TAP1: variants seen among roughly 807,000 people sequenced by gnomAD.
The protein encoded by TAP1 is transporter 1, ATP binding cassette subfamily B member.
In TAP1, 56 loss-of-function variants were observed where a neutral mutation model predicts 79.3. That is an observed-to-expected ratio of 0.71 (90% CI 0.57 to 0.88). TAP1 has a LOEUF of 0.88. TAP1 is among the 40% of genes least tolerant of loss of function. The pLI is 0.00. For synonymous variants in TAP1, 355 were observed against 401.4 expected (o/e 0.88, Z 1.38); for missense variants, 737 against 936.3 (o/e 0.79, Z 2.78).
rs748927641 is a variant in TAP1, at chr6:32,852,267, T to A, written c.714-28A>T. Reference sequence around the variant, plus strand: ...ATAAAGAACCCGGAAAAAAAGGGGATCAGGGTGTGTTCAGGGAACAGACTG... The same window carrying A: ...ATAAAGAACCCGGAAAAAAAGGGGAACAGGGTGTGTTCAGGGAACAGACTG... On this transcript the variant is annotated intron_variant, in intron 2 of 10. Coordinates refer to ENST00000354258, the MANE Select transcript of TAP1 (RefSeq NM_000593.6). The surrounding 1 kb of genome is among the most constrained non-coding windows in gnomAD (Gnocchi z 4.8). 3.7e-6 allele frequency: 6 copies of A among 1,612,898 alleles called. No individual in the cohort carries two copies. The highest frequency in any genetic ancestry group is 1.1e-5 in the South Asian group (1 of 91,076).
Position 32,848,642 on chromosome 6 carries a change from T to C in TAP1, c.1566+10A>G, listed in dbSNP as rs1162917920. 6.2e-7 allele frequency: 1 copy of C among 1,613,456 alleles called. No homozygotes were observed. The highest frequency in any genetic ancestry group is 8.5e-7 in the Non-Finnish European group (1 of 1,179,884). ...GGGGCCAGTGGAATACAGGGAGTGG[T>C]AGGTTGTACCTGTAGCACTAAGACA... On this transcript the variant is annotated intron_variant, in intron 7 of 10. Coordinates refer to ENST00000354258, the MANE Select transcript of TAP1 (RefSeq NM_000593.6).
chr6:32,852,786 G>A lies in TAP1; in HGVS notation c.598+253C>T. The A allele has an allele frequency of 6.9e-7, 1 of 1,440,990 alleles. No individual in the cohort carries two copies. The highest frequency in any genetic ancestry group is 1.5e-5 in the South Asian group (1 of 66,274). 89.3% of individuals were successfully genotyped at this position (1,440,990 alleles called of 1,614,324 possible). A position where few individuals can be genotyped will look rare whatever the true frequency, so the allele number is the denominator to read the frequency against. On this transcript the variant is annotated intron_variant, in intron 1 of 10. Coordinates refer to ENST00000354258, the MANE Select transcript of TAP1 (RefSeq NM_000593.6). This position sits in a 1 kb window ranked among gnomAD's most constrained non-coding sequence, Gnocchi z 4.8. ...GGATGCCCCGCCCTTCGGCCCCAGA[G>A]CAAAGGATTTCCCCGCTTCCGGCGT...
chr6:32,849,359 C>G, intron 5 of TAP1: 1 of 600,066 alleles, frequency 1.7e-6, no homozygotes, highest in Non-Finnish European at 2.9e-6. Context: ...GAGCATTTTA[C>G]TCTTCACAAA....
intron 7 of TAP1, 112 bp from the exon 8 acceptor site, chr6:32,848,204 A>G: frequency 7.3e-7 from 1 of 1,375,516 alleles, no homozygotes; most frequent in Non-Finnish European, 1.0e-6. Context: ...ACAGGGAAAT[A>G]TAGAAACTCC....
rs1206640439 is a variant in TAP1 at position 32,853,276 on chromosome 6, C to T, written c.361G>A (p.Ala121Thr). 6.3e-7 allele frequency: 1 copy of T among 1,587,204 alleles called. No individual in the cohort carries two copies. The highest frequency in any genetic ancestry group is 8.6e-7 in the Non-Finnish European group (1 of 1,166,156). Residue 121 changes from alanine (A) to threonine (T), a missense_variant, in exon 1 of 11, where the codon GCC (alanine) becomes ACC (threonine). Physicochemically the swap from Ala to Thr is moderately conservative, Grantham distance 58 (BLOSUM62 0). Around this residue, in one of 5 missense-constraint regions of TAP1, gnomAD observed 406 missense variants for 477.2 expected, o/e 0.85. Coordinates refer to ENST00000354258, the MANE Select transcript of TAP1 (RefSeq NM_000593.6). This position sits in a 1 kb window ranked among gnomAD's most constrained non-coding sequence, Gnocchi z 8.3. ...ALFRELISWG[A>T]PGSADSTRLL... ...CTGGTGCTATCCGCGGACCCGGGGG[C>T]TCCCCATGAGATCAGCTCTCGGAAC... is the stretch of plus-strand genomic sequence containing the variant.
chr6:32,845,618 G>A lies in TAP1; in HGVS notation c.2208C>T (p.Tyr736=), dbSNP rs1239610544. Residue 736 remains tyrosine, a synonymous_variant, in exon 11 of 11, where the codon TAC becomes TAT. Transcript: ENST00000354258. The surrounding 1 kb of genome is among the most constrained non-coding windows in gnomAD (Gnocchi z 4.5). ...HQQLMEKKGC[Y]WAMVQAPADA... ...CTGCAGGAGCCTGCACCATGGCCCA[G>A]TAGCACCCCTTTTTCTCCATGAGCT... 1 of 1,613,126 alleles carries A rather than the reference G, an allele frequency of 6.2e-7. No homozygotes were observed. Among genetic ancestry groups the A allele is most frequent in the South Asian group, 1.1e-5 (1 of 91,086 alleles).
At chr6:32,848,132 C>A in intron 7 of TAP1, 40 bp from the exon 8 acceptor site, 4 of 1,561,086 alleles carry the variant, frequency 2.6e-6, no homozygotes, top group Non-Finnish European at 3.5e-6. Context: ...GCTACCAAGG[C>A]CTCTAACCTT....
At position 32,852,015 on chromosome 6, in the gene TAP1, G is replaced by A; in HGVS notation, c.844+94C>T. ...GAAGGAACAATGTGTGTATGTGTGT[G>A]TGAGAGAGAGAGAGCGGGGAGGGGG... On this transcript the variant is annotated intron_variant, in intron 3 of 10. Transcript: ENST00000354258. This position sits in a 1 kb window ranked among gnomAD's most constrained non-coding sequence, Gnocchi z 4.8. 1 of 1,528,182 alleles carries A rather than the reference G, an allele frequency of 6.5e-7. No individual in the cohort carries two copies. Among genetic ancestry groups the A allele is most frequent in the Non-Finnish European group, 9.0e-7 (1 of 1,108,110 alleles). 94.7% of individuals were successfully genotyped at this position (1,528,182 alleles called of 1,614,324 possible).
chr6:32,852,619 A>T lies in TAP1; in HGVS notation c.599-117T>A. ...CCATTATCCTGGAGGGCATCAGCAGAAAGGAAACACTGACGTCTCAATCCC... is the reference window on the plus strand; with the variant it reads ...CCATTATCCTGGAGGGCATCAGCAGTAAGGAAACACTGACGTCTCAATCCC... On this transcript the variant is annotated intron_variant, in intron 1 of 10. Coordinates refer to ENST00000354258, the MANE Select transcript of TAP1 (RefSeq NM_000593.6). The surrounding 1 kb of genome is among the most constrained non-coding windows in gnomAD (Gnocchi z 4.8). 1 of 1,551,170 alleles carries T rather than the reference A, an allele frequency of 6.4e-7. No individual in the cohort carries two copies. Among genetic ancestry groups the T allele is most frequent in the Non-Finnish European group, 8.7e-7 (1 of 1,148,994 alleles).
chr6:32,853,510 TGCGGGGCAGC>T lies in TAP1; in HGVS notation c.117_126del (p.Leu40TyrfsTer20). 6.2e-7 allele frequency: 1 copy of T among 1,609,616 alleles called. No individual in the cohort carries two copies. Among genetic ancestry groups the T allele is most frequent in the African/African-American group, 1.3e-5 (1 of 74,912 alleles). On this transcript the variant is annotated frameshift_variant, in exon 1 of 11. Transcript: ENST00000354258. LOFTEE classifies it high-confidence loss of function. This position sits in a 1 kb window ranked among gnomAD's most constrained non-coding sequence, Gnocchi z 8.3. Reference sequence around the variant, plus strand: ...GCGGTGGGCACCAGCAGGGAGAATATGCGGGGCAGCGCGGTCCGGAGCAGCACCCAGTCGG... The same window carrying T: ...GCGGTGGGCACCAGCAGGGAGAATATGCGGTCCGGAGCAGCACCCAGTCGG...
chr6:32,847,377 A>G lies in TAP1; in HGVS notation c.1903+136T>C. 9 of 1,497,390 alleles carry G rather than the reference A, an allele frequency of 6.0e-6. No individual in the cohort carries two copies. The highest frequency in any genetic ancestry group is 8.3e-6 in the Non-Finnish European group (9 of 1,081,404). The allele number at this position is 1,497,390 out of a possible 1,614,324, so 92.8% of individuals were successfully genotyped here. A position where few individuals can be genotyped will look rare whatever the true frequency, so the allele number is the denominator to read the frequency against. ...CAGAATCCTGAGGATGTCAGGATGAAGAAGCCATAGGAGCATGATCTTACA... is the reference window on the plus strand; with the variant it reads ...CAGAATCCTGAGGATGTCAGGATGAGGAAGCCATAGGAGCATGATCTTACA... On this transcript the variant is annotated intron_variant, in intron 9 of 10. Coordinates refer to ENST00000354258, the MANE Select transcript of TAP1 (RefSeq NM_000593.6). The surrounding 1 kb of genome is among the most constrained non-coding windows in gnomAD (Gnocchi z 4.7).
rs1770839620 is a variant in TAP1, at chr6:32,852,326, G to A, written c.713+62C>T. 4.3e-6 allele frequency: 7 copies of A among 1,612,526 alleles called. No homozygotes were observed. The highest frequency in any genetic ancestry group is 5.9e-6 in the Non-Finnish European group (7 of 1,179,762). On this transcript the variant is annotated intron_variant, in intron 2 of 10. Coordinates refer to ENST00000354258, the MANE Select transcript of TAP1 (RefSeq NM_000593.6). This position sits in a 1 kb window ranked among gnomAD's most constrained non-coding sequence, Gnocchi z 4.8. ...AGGTATCCCCATATAAGTGCATTTCGGACAGCAGCCCCAACTTCCAACTCC... is the reference window on the plus strand; with the variant it reads ...AGGTATCCCCATATAAGTGCATTTCAGACAGCAGCCCCAACTTCCAACTCC...
At position 32,845,533 on chromosome 6, in the gene TAP1, G is replaced by A; in HGVS notation, c.*46C>T. ...TGCAGCTGTGGTTCTCCACCACAGA[G>A]AGAAGAAAAGGGAGGGAGATGGAGT... is the stretch of plus-strand genomic sequence containing the variant. On this transcript the variant is annotated 3_prime_UTR_variant, in exon 11 of 11. Transcript: ENST00000354258. The surrounding 1 kb of genome is among the most constrained non-coding windows in gnomAD (Gnocchi z 4.5). 6.2e-7 allele frequency: 1 copy of A among 1,601,868 alleles called. No individual in the cohort carries two copies. The highest frequency in any genetic ancestry group is 8.5e-7 in the Non-Finnish European group (1 of 1,170,136).
rs1451158312 is a variant in TAP1, at chr6:32,845,797, C to T, written c.2041-12G>A. 11 of 1,608,846 alleles carry T rather than the reference C, an allele frequency of 6.8e-6. No individual in the cohort carries two copies. Among genetic ancestry groups the T allele is most frequent in the Non-Finnish European group, 9.3e-6 (11 of 1,179,536 alleles). Reference sequence around the variant, plus strand: ...AGGAGCTGCTCCACCTGAGGAAAGACATCGGACCGTCAGAGCCGGGGACTA... The same window carrying T: ...AGGAGCTGCTCCACCTGAGGAAAGATATCGGACCGTCAGAGCCGGGGACTA... On this transcript the variant is annotated splice_polypyrimidine_tract_variant and intron_variant, in intron 10 of 10. Transcript: ENST00000354258. This position sits in a 1 kb window ranked among gnomAD's most constrained non-coding sequence, Gnocchi z 4.5.
rs1425425417 is a variant in TAP1, at chr6:32,848,810, T to A, written c.1408A>T (p.Lys470Ter). 2 of 1,613,822 alleles carry A rather than the reference T, an allele frequency of 1.2e-6. No individual in the cohort carries two copies. Among genetic ancestry groups the A allele is most frequent in the Non-Finnish European group, 1.7e-6 (2 of 1,180,024 alleles). Residue 470 changes from lysine (K) to a stop codon, truncating the protein, a stop_gained, in exon 7 of 11, where the codon AAG becomes TAG. Transcript: ENST00000354258. LOFTEE classifies it high-confidence loss of function. ...ATTTTCTCTGAGGAGCCCACAGCCT[T>A]CTGTACTCTGGGGTAGATGGAGAGC... ...VLLSIYPRVQ[K>*]AVGSSEKIFE...
rs1317436701 is a variant in TAP1 at position 32,852,498 on chromosome 6, C to T, written c.603G>A (p.Glu201=). 3 of 1,612,920 alleles carry T rather than the reference C, an allele frequency of 1.9e-6. No individual in the cohort carries two copies. The Admixed American group carries it at 5.0e-5, about 27-fold the overall frequency. ...LVLVVLSSLG[E]MAIPFFTGRL... is the part of the protein sequence containing the mutation. ...GGCCCGTAAAGAATGGAATGGCCAT[C>T]TCCCCTGGAGAAAGAGAAGAGAGGT... is the stretch of plus-strand genomic sequence containing the variant. Residue 201 remains glutamate, a synonymous_variant, in exon 2 of 11, where the codon GAG becomes GAA. Coordinates refer to ENST00000354258, the MANE Select transcript of TAP1 (RefSeq NM_000593.6). The surrounding 1 kb of genome is among the most constrained non-coding windows in gnomAD (Gnocchi z 4.8).
Position 32,852,424 on chromosome 6 carries a change from C to T in TAP1, c.677G>A (p.Arg226Gln), listed in dbSNP as rs1474226601. 12 of 1,612,908 alleles carry T rather than the reference C, an allele frequency of 7.4e-6. No individual in the cohort carries two copies. Among genetic ancestry groups the T allele is most frequent in the African/African-American group, 4.0e-5 (3 of 74,894 alleles). Residue 226 changes from arginine to glutamine, a missense_variant, in exon 2 of 11, where the codon CGA becomes CAA. Transcript: ENST00000354258. The surrounding 1 kb of genome is among the most constrained non-coding windows in gnomAD (Gnocchi z 4.8). ...GAGAATGGACATGAGAGTTAAGTTT[C>T]GAGTGAAGGTATCGGCTGAGCCATC... ...LQDGSADTFTRNLTLMSILTI... is the reference protein window; with the variant it reads ...LQDGSADTFTQNLTLMSILTI...
chr6:32,847,057 G>A lies in TAP1; in HGVS notation c.2040+11C>T, dbSNP rs754270273. 1.9e-6 allele frequency: 3 copies of A among 1,612,182 alleles called. No homozygotes were observed. The highest frequency in any genetic ancestry group is 2.2e-5 in the South Asian group (2 of 91,070). On this transcript the variant is annotated intron_variant, in intron 10 of 10. Coordinates refer to ENST00000354258, the MANE Select transcript of TAP1 (RefSeq NM_000593.6). This position sits in a 1 kb window ranked among gnomAD's most constrained non-coding sequence, Gnocchi z 4.7. ...GGTGGGATATAGCCATTAAGAAGAT[G>A]ACTGCCTCACCTGTAACTGGCTGTT...
chr6:32,845,461 C>G lies in TAP1; in HGVS notation c.*118G>C. The G allele has an allele frequency of 9.1e-7, 1 of 1,095,088 alleles. No homozygotes were observed. The allele number at this position is 1,095,088 out of a possible 1,614,324, so 67.8% of individuals were successfully genotyped here. ...AGGAGCTTGGAAAGGAGGTAACACACTCAAGGCAAATTTCAAGTAACTCAT... is the reference window on the plus strand; with the variant it reads ...AGGAGCTTGGAAAGGAGGTAACACAGTCAAGGCAAATTTCAAGTAACTCAT... On this transcript the variant is annotated 3_prime_UTR_variant, in exon 11 of 11. Transcript: ENST00000354258. This position sits in a 1 kb window ranked among gnomAD's most constrained non-coding sequence, Gnocchi z 4.5.
Sources: allele counts gnomAD v4.1 joint callset, GRCh38; gene constraint gnomAD v4.1.1; regional missense constraint gnomAD v4.1.1; non-coding constraint Gnocchi (gnomAD v3.1); transcripts MANE v1.5; gene names NCBI Gene and HGNC (gene_info 2026-07-23, HGNC 2026-07-21).